Variants in GPHN observed in about 807,000 individuals in gnomAD.
GPHN encodes gephyrin.
Under a neutral mutation model 95.5 loss-of-function variants are expected in GPHN, and 17 were observed. That is an observed-to-expected ratio of 0.18 (90% CI 0.12 to 0.27). GPHN has a LOEUF of 0.27. Ranked by LOEUF, GPHN falls within the 10% of genes least tolerant of loss-of-function variation. The pLI is 1.00. For missense variants in GPHN, 660 were observed against 978.1 expected (o/e 0.67, Z 4.34); for synonymous variants, 320 against 322.5 (o/e 0.99, Z 0.08).
intron 13 of GPHN, among the ~76,000 whole-genome samples, chr14:67,102,152 G>A (rs1362110890): frequency 1.3e-5 from 2 of 151,806 alleles, no homozygotes; most frequent in South Asian, 2.1e-4. Flanking sequence ...GATTACAAGC[G>A]TGAGCCACCG....
chr14:67,528,398 C>G, the GPHN span, among the ~76,000 whole-genome samples: 1 of 152,298 alleles, frequency 6.6e-6, no homozygotes, highest in Non-Finnish European at 1.5e-5. Flanking sequence ...TCTCTCCCCA[C>G]ACAGGCTCCC....
At chr14:67,156,972 A>G (rs2081627479) in intron 18 of GPHN, among the ~76,000 whole-genome samples, 1 of 147,758 alleles carries the variant, frequency 6.8e-6, no homozygotes. Context: ...CTCTGTCTCA[A>G]AAAAAAAAAA....
chr14:67,603,996 G>GTTTTTTTTTTTT, the GPHN span, among the ~76,000 whole-genome samples: 5 of 150,142 alleles, frequency 3.3e-5, no homozygotes, highest in Admixed American at 6.6e-5. Context: ...CTTGTTTTTT[G>GTTTTTTTTTTTT]TTTTTGTTTT....
intron 3 of GPHN, among the ~76,000 whole-genome samples, chr14:66,792,147 T>C (rs1473333049): frequency 6.6e-6 from 1 of 152,090 alleles, no homozygotes; most frequent in South Asian, 2.1e-4. Context: ...GAGATTTGAG[T>C]AGGGACATAG....
chr14:66,553,524 C>T (rs2059898868), intron 1 of GPHN, among the ~76,000 whole-genome samples: 1 of 152,062 alleles, frequency 6.6e-6, no homozygotes, highest in African/African-American at 2.4e-5. Context: ...CTTCACTTTT[C>T]CTGCCAACGT....
chr14:66,553,042 G>A (rs1301064243), intron 1 of GPHN, among the ~76,000 whole-genome samples: 1 of 150,710 alleles, frequency 6.6e-6, no homozygotes, highest in Non-Finnish European at 1.5e-5. Context: ...CCAGGCTGGA[G>A]TGCAGTGGCA....
At chr14:67,710,138 A>C in the GPHN span, among the ~76,000 whole-genome samples, 2 of 152,154 alleles carry the variant, frequency 1.3e-5, no homozygotes, top group African/African-American at 4.8e-5. Context: ...TTGATGTCTC[A>C]TGTCTCCCTA....
At chr14:67,020,213 C>T (rs1408822449) in intron 9 of GPHN, among the ~76,000 whole-genome samples, 2 of 152,052 alleles carry the variant, frequency 1.3e-5, no homozygotes, top group Non-Finnish European at 1.5e-5. Flanking sequence ...TTGCATTTAA[C>T]GTAAGTTGAA....
the GPHN span, chr14:67,336,284 A>G: frequency 6.4e-6 from 1 of 156,468 alleles, no homozygotes; most frequent in African/African-American, 2.4e-5. Flanking sequence ...TCTTACATAT[A>G]TACACCTGTC....
the GPHN span, among the ~76,000 whole-genome samples, chr14:67,566,809 A>T: frequency 4.6e-5 from 7 of 151,072 alleles, no homozygotes; most frequent in Admixed American, 2.0e-4. Flanking sequence ...TATGTGTGTG[A>T]GAGAGAGGGT....
chr14:66,673,655 T>G (rs1360781759), intron 1 of GPHN, among the ~76,000 whole-genome samples: 1 of 152,144 alleles, frequency 6.6e-6, no homozygotes, highest in Non-Finnish European at 1.5e-5. Context: ...AAAAGAAAAA[T>G]TTTTACTTTA....
At chr14:67,207,426 A>G in the GPHN span, among the ~76,000 whole-genome samples, 2 of 152,188 alleles carry the variant, frequency 1.3e-5, no homozygotes, top group Non-Finnish European at 2.9e-5. Context: ...TATGGTGAGG[A>G]CAGCACCAAG....
intron 12 of GPHN, among the ~76,000 whole-genome samples, chr14:67,094,301 G>A (rs560759357): frequency 3.3e-5 from 5 of 152,134 alleles, no homozygotes; most frequent in Non-Finnish European, 2.9e-5. Flanking sequence ...GTGTTTTCTG[G>A]ATATTAGAAA....
the GPHN span, among the ~76,000 whole-genome samples, chr14:67,660,404 C>A: frequency 6.6e-6 from 1 of 151,890 alleles, no homozygotes; most frequent in Non-Finnish European, 1.5e-5. Context: ...GACCTCATCT[C>A]TATATATATA....
the GPHN span, chr14:67,651,202 T>C: frequency 8.3e-7 from 1 of 1,205,446 alleles, no homozygotes; most frequent in Admixed American, 2.7e-5. Context: ...ACTGGTCTTG[T>C]TGCTGTTGTT....
the GPHN span, among the ~76,000 whole-genome samples, chr14:67,659,471 G>GT: frequency 1.1e-3 from 156 of 148,044 alleles, 1 homozygote; most frequent in South Asian, 0.011. Flanking sequence ...ACAAAGCACT[G>GT]TTTTTTTTTT....
intron 17 of GPHN, among the ~76,000 whole-genome samples, chr14:67,137,991 G>A (rs957671840): frequency 1.5e-4 from 23 of 152,068 alleles, no homozygotes; most frequent in African/African-American, 2.2e-4. Context: ...TCAAATTTTA[G>A]AAGTACAAAT....
chr14:67,532,330 C>T, the GPHN span, among the ~76,000 whole-genome samples: 1 of 152,208 alleles, frequency 6.6e-6, no homozygotes, highest in Non-Finnish European at 1.5e-5. Flanking sequence ...TTCAGTCCTT[C>T]ACTGACAGAG....
At chr14:67,380,799 T>C in the GPHN span, 1 of 1,196,768 alleles carries the variant, frequency 8.4e-7, no homozygotes, top group Non-Finnish European at 1.2e-6. Context: ...TTACAGTATT[T>C]TGCATGCATC....
Sources: gnomAD v4.1 joint callset for allele counts (sites outside exome capture counted in the v4.1 genomes callset) on GRCh38, gnomAD v4.1.1 for gene constraint, MANE v1.5 for transcripts, NCBI Gene and HGNC (gene_info 2026-07-23, HGNC 2026-07-21) for gene names.